LRP1B: variants seen among roughly 807,000 people sequenced by gnomAD.
The protein encoded by LRP1B is LDL receptor related protein 1B.
Under a neutral mutation model 556.6 loss-of-function variants are expected in LRP1B, and 217 were observed. That is an observed-to-expected ratio of 0.39 (90% CI 0.35 to 0.44). The LOEUF is 0.44. Among genes scored for constraint, LRP1B ranks in the 20% least tolerant of loss-of-function variants. LRP1B has a pLI of 1.00. For synonymous variants in LRP1B, 2,047 were observed against 1,865.8 expected (o/e 1.10, Z -2.50); for missense variants, 5,053 against 5,620.8 (o/e 0.90, Z 3.23).
At chr2:141,866,850 G>A (rs969744225) in intron 1 of LRP1B, among the ~76,000 whole-genome samples, 3 of 151,218 alleles carry the variant, frequency 2.0e-5, no homozygotes, top group African/African-American at 7.3e-5. Flanking sequence ...AAAGGAAATA[G>A]AAGGAGAGAA....
At chr2:140,741,535 G>A (rs531279732) in intron 35 of LRP1B, among the ~76,000 whole-genome samples, 1 of 152,090 alleles carries the variant, frequency 6.6e-6, no homozygotes, top group East Asian at 1.9e-4. Flanking sequence ...TGTTACATGG[G>A]TAAATTGCAT....
intron 2 of LRP1B, among the ~76,000 whole-genome samples, chr2:141,774,884 CA>C (rs1695011967): frequency 6.6e-6 from 1 of 152,180 alleles, no homozygotes; most frequent in South Asian, 2.1e-4. Context: ...CATGGCGACT[CA>C]AGTACATTGA....
chr2:141,469,158 T>A (rs1682358033), intron 3 of LRP1B, among the ~76,000 whole-genome samples: 1 of 152,204 alleles, frequency 6.6e-6, no homozygotes, highest in Non-Finnish European at 1.5e-5. Context: ...ATTTCTTGCA[T>A]CTAAATTCAA....
intron 23 of LRP1B, among the ~76,000 whole-genome samples, chr2:140,900,219 T>C (rs1694066093): frequency 6.6e-6 from 1 of 152,204 alleles, no homozygotes; most frequent in Non-Finnish European, 1.5e-5. Flanking sequence ...AAACATAAGT[T>C]GTTATTTATT....
chr2:141,285,894 G>A lies in LRP1B; in HGVS notation c.344-31253C>T, dbSNP rs574854516. Among the ~76,000 whole-genome samples the A allele has an allele frequency of 6.5e-3, 968 of 149,664 alleles. 4 individuals are homozygous for A. Among genetic ancestry groups the A allele is most frequent in the Non-Finnish European group, 0.011 (757 of 66,980 alleles). Reference sequence around the variant, plus strand: ...ATCCCGGCTACAACGGTGAAACCCCGTCTCTACTAAAAATACAAAAAAATT... The same window carrying A: ...ATCCCGGCTACAACGGTGAAACCCCATCTCTACTAAAAATACAAAAAAATT... On this transcript the variant is annotated intron_variant, in intron 3 of 90. Transcript: ENST00000389484.
At chr2:140,736,821 T>C (rs1467115263) in intron 35 of LRP1B, among the ~76,000 whole-genome samples, 1 of 152,072 alleles carries the variant, frequency 6.6e-6, no homozygotes, top group Non-Finnish European at 1.5e-5. Context: ...AAAATATCCA[T>C]TGTTTTGAAC....
At chr2:141,951,495 T>G (rs1368760961) in intron 1 of LRP1B, among the ~76,000 whole-genome samples, 1 of 152,200 alleles carries the variant, frequency 6.6e-6, no homozygotes, top group Non-Finnish European at 1.5e-5. Flanking sequence ...ATTTTGCCTG[T>G]CGTTGCCACA....
chr2:140,375,065 A>G (rs1244191277), intron 68 of LRP1B, among the ~76,000 whole-genome samples: 1 of 151,996 alleles, frequency 6.6e-6, no homozygotes, highest in Non-Finnish European at 1.5e-5. Context: ...TCTGAATTTG[A>G]CTAATTGCAC....
At chr2:141,871,228 C>T (rs1207273169) in intron 1 of LRP1B, among the ~76,000 whole-genome samples, 2 of 151,952 alleles carry the variant, frequency 1.3e-5, no homozygotes, top group African/African-American at 2.4e-5. Flanking sequence ...CACTCCTGTT[C>T]CATGTGTTTC....
intron 60 of LRP1B, among the ~76,000 whole-genome samples, chr2:140,471,167 C>T (rs1687752231): frequency 6.6e-6 from 1 of 152,186 alleles, no homozygotes; most frequent in Non-Finnish European, 1.5e-5. Flanking sequence ...ATTGCCAAGT[C>T]TCTCACTGGA....
In LRP1B at chr2:140,649,766, G is replaced by A. The variant is rs377119480; in HGVS notation, c.6800-48127C>T. Among the ~76,000 whole-genome samples the A allele has an allele frequency of 1.9e-4, 29 of 152,250 alleles. No homozygotes were observed. The East Asian group carries it at 4.1e-3, about 21-fold the overall frequency. Reference sequence around the variant, plus strand: ...ATAAGAATTAGGACTCACCAATAAAGACAATAGCAAAAGCTATATGTATTT... The same window carrying A: ...ATAAGAATTAGGACTCACCAATAAAAACAATAGCAAAAGCTATATGTATTT... On this transcript the variant is annotated intron_variant, in intron 41 of 90. Transcript: ENST00000389484.
At chr2:140,798,653 C>T (rs138609074) in intron 32 of LRP1B, among the ~76,000 whole-genome samples, 2,586 of 152,254 alleles carry the variant, frequency 0.017, 81 homozygotes, top group Admixed American at 0.078. Flanking sequence ...GCTGTCCTGT[C>T]CCTGTGCCTT....
intron 2 of LRP1B, among the ~76,000 whole-genome samples, chr2:141,771,631 A>G (rs188050278): frequency 1.3e-5 from 2 of 152,232 alleles, no homozygotes; most frequent in Admixed American, 1.3e-4. Context: ...ATTGCTATGA[A>G]CTGAATGTTT....
At chr2:140,316,813 A>G (rs895434023) in intron 82 of LRP1B, among the ~76,000 whole-genome samples, 55 of 152,188 alleles carry the variant, frequency 3.6e-4, no homozygotes, top group Non-Finnish European at 7.1e-4. Flanking sequence ...CCATACACAC[A>G]TATACACAAA....
Position 141,062,045 on chromosome 2 carries a change from A to G in LRP1B, c.1236+6T>C. ...TAGGAGCGTTGTCTAACAAAATTGT[A>G]CTTACTTGTCTGCCTTGAATGACAG... On this transcript the variant is annotated splice_donor_region_variant and intron_variant, in intron 8 of 90. Transcript: ENST00000389484. 1 of 1,607,458 alleles carries G rather than the reference A, an allele frequency of 6.2e-7. No homozygotes were observed. Among genetic ancestry groups the G allele is most frequent in the Non-Finnish European group, 8.5e-7 (1 of 1,174,742 alleles).
chr2:141,136,812 T>C (rs1280987896), intron 7 of LRP1B, among the ~76,000 whole-genome samples: 1 of 151,820 alleles, frequency 6.6e-6, no homozygotes, highest in Non-Finnish European at 1.5e-5. Flanking sequence ...ATTTTCGGTG[T>C]AGCAGAACTT....
intron 3 of LRP1B, among the ~76,000 whole-genome samples, chr2:141,455,065 T>C (rs1020702895): frequency 2.0e-5 from 3 of 152,152 alleles, no homozygotes; most frequent in African/African-American, 7.2e-5. Flanking sequence ...TCTGATATTA[T>C]GGTATTGTAA....
chr2:142,014,509 G>A (rs1703058630), intron 1 of LRP1B, among the ~76,000 whole-genome samples: 1 of 152,112 alleles, frequency 6.6e-6, no homozygotes, highest in Non-Finnish European at 1.5e-5. Flanking sequence ...CTGCACTGAG[G>A]GAGGAAGTAT....
At chr2:140,329,216 C>G (rs1290304290) in intron 79 of LRP1B, among the ~76,000 whole-genome samples, 4 of 151,990 alleles carry the variant, frequency 2.6e-5, no homozygotes, top group Non-Finnish European at 5.9e-5. Context: ...ATGCACAGAG[C>G]AGACAACAAA....
Sources: gnomAD v4.1 joint callset for allele counts (sites outside exome capture counted in the v4.1 genomes callset) on GRCh38, gnomAD v4.1.1 for gene constraint, MANE v1.5 for transcripts, NCBI Gene and HGNC (gene_info 2026-07-23, HGNC 2026-07-21) for gene names.